Variants in PAK5 observed in about 807,000 individuals in gnomAD.
PAK5 encodes the protein p21 (RAC1) activated kinase 5, also known as serine/threonine-protein kinase PAK 5.
PAK5 carries 16 observed loss-of-function variants against 65.9 expected under a neutral mutation model. That is an observed-to-expected ratio of 0.24 (90% confidence interval 0.16 to 0.37). PAK5 has a LOEUF of 0.37. Ranked by LOEUF, PAK5 falls within the 10% of genes least tolerant of loss-of-function variation. The pLI, the probability that PAK5 is intolerant of heterozygous loss-of-function variation, is 1.00. For missense variants in PAK5, 785 were observed against 903.9 expected (o/e 0.87, Z 1.69); for synonymous variants, 371 against 354.9 (o/e 1.05, Z -0.51).
chr20:9,671,080 T>C (rs1027605460), intron 2 of PAK5, among the ~76,000 whole-genome samples: 1 of 152,228 alleles, frequency 6.6e-6, no homozygotes, highest in African/African-American at 2.4e-5. Context: ...GATCAGATAG[T>C]TGTAGATATG....
At chr20:9,789,198 T>C (rs1234892988) in intron 1 of PAK5, among the ~76,000 whole-genome samples, 1 of 152,186 alleles carries the variant, frequency 6.6e-6, no homozygotes, top group Non-Finnish European at 1.5e-5. Flanking sequence ...CTCTAATTGG[T>C]GGGTTTTCTT....
At chr20:9,836,960 C>T (rs1979199136) in intron 1 of PAK5, among the ~76,000 whole-genome samples, 1 of 152,216 alleles carries the variant, frequency 6.6e-6, no homozygotes, top group African/African-American at 2.4e-5. Flanking sequence ...AAACACCTGC[C>T]TCCCATACCT....
At chr20:9,594,082 A>G (rs944929312) in intron 3 of PAK5, among the ~76,000 whole-genome samples, 1 of 152,180 alleles carries the variant, frequency 6.6e-6, no homozygotes, top group Non-Finnish European at 1.5e-5. Flanking sequence ...TACATCTCTG[A>G]TCATCGTTCT....
chr20:9,685,764 GCA>G (rs757005628), intron 2 of PAK5, among the ~76,000 whole-genome samples: 5 of 152,336 alleles, frequency 3.3e-5, no homozygotes, highest in Non-Finnish European at 7.4e-5. Context: ...GGTACTCATA[GCA>G]CAGTGTCTAG....
chr20:9,708,964 G>A (rs193065339), intron 2 of PAK5, among the ~76,000 whole-genome samples: 6 of 151,918 alleles, frequency 3.9e-5, no homozygotes, highest in African/African-American at 7.2e-5. Flanking sequence ...CCCTACAAAC[G>A]TATGCTGGCA....
intron 3 of PAK5, among the ~76,000 whole-genome samples, chr20:9,617,685 A>G (rs1428526213): frequency 2.7e-5 from 4 of 150,264 alleles, no homozygotes; most frequent in Non-Finnish European, 5.9e-5. Flanking sequence ...CCTCCCGAGT[A>G]GCTGGGACTA....
chr20:9,781,175 C>A (rs1329637354), intron 1 of PAK5, among the ~76,000 whole-genome samples: 2 of 152,070 alleles, frequency 1.3e-5, no homozygotes, highest in African/African-American at 4.8e-5. Flanking sequence ...CTAATGGGTT[C>A]CATCACTGCC....
chr20:9,783,631 G>A (rs1018785697), intron 1 of PAK5, among the ~76,000 whole-genome samples: 3 of 152,098 alleles, frequency 2.0e-5, no homozygotes, highest in Non-Finnish European at 2.9e-5. Context: ...GATATGTTAC[G>A]GAACATTGTG....
chr20:9,789,873 A>G (rs1186521628), intron 1 of PAK5, among the ~76,000 whole-genome samples: 1 of 152,186 alleles, frequency 6.6e-6, no homozygotes, highest in Non-Finnish European at 1.5e-5. Flanking sequence ...AATGATACCA[A>G]CAAAATGAAG....
At chr20:9,592,870 G>A (rs1312246166) in intron 3 of PAK5, among the ~76,000 whole-genome samples, 2 of 152,196 alleles carry the variant, frequency 1.3e-5, no homozygotes, top group Admixed American at 6.5e-5. Flanking sequence ...GTTGTGGGAT[G>A]TGGCTGTGGG....
At chr20:9,692,001 C>T (rs1300464369) in intron 2 of PAK5, among the ~76,000 whole-genome samples, 1 of 152,122 alleles carries the variant, frequency 6.6e-6, no homozygotes, top group Non-Finnish European at 1.5e-5. Context: ...ATGCAGCATC[C>T]TGTTTAAGTC....
At chr20:9,820,596 T>A (rs1272396629) in intron 1 of PAK5, among the ~76,000 whole-genome samples, 1 of 152,232 alleles carries the variant, frequency 6.6e-6, no homozygotes, top group African/African-American at 2.4e-5. Flanking sequence ...CTATGCCAGA[T>A]GCTCTAACTT....
Position 9,539,598 on chromosome 20 carries a change from C to T in PAK5, c.2024G>A (p.Gly675Glu). ...CCTCACCAACATCAAGTCTAGGAAT[C>T]CCCGGAGCACTGAAGAAACCTGTGA... is the stretch of plus-strand genomic sequence containing the variant. ...DLHKVSSVLRGFLDLMLVREP... is the reference protein window; with the variant it reads ...DLHKVSSVLREFLDLMLVREP... The change falls in exon 10 of 10, where the codon GGA becomes GAA. Residue 675 changes from glycine (G) to glutamate (E), a missense_variant. This residue lies in a region of PAK5 where 110 missense variants were observed against 107.4 expected (regional missense o/e 1.02). Coordinates refer to ENST00000353224, the MANE Select transcript of PAK5 (RefSeq NM_177990.4). The T allele has an allele frequency of 1.2e-6, 2 of 1,613,424 alleles. No homozygotes were observed. The highest frequency in any genetic ancestry group is 1.7e-6 in the Non-Finnish European group (2 of 1,179,924).
At chr20:9,748,356 C>T (rs182092844) in intron 1 of PAK5, among the ~76,000 whole-genome samples, 52 of 152,200 alleles carry the variant, frequency 3.4e-4, no homozygotes, top group African/African-American at 1.2e-3. Flanking sequence ...TCATATGGAA[C>T]CAAAAAAGAG....
chr20:9,799,903 T>A (rs1457120214), intron 1 of PAK5, among the ~76,000 whole-genome samples: 1 of 119,242 alleles, frequency 8.4e-6, no homozygotes, highest in Non-Finnish European at 1.6e-5. Context: ...ACCACACCAC[T>A]GCACTCCAGC....
intron 1 of PAK5, among the ~76,000 whole-genome samples, chr20:9,830,033 A>G (rs1255204028): frequency 6.6e-6 from 1 of 152,108 alleles, no homozygotes; most frequent in East Asian, 1.9e-4. Context: ...TGAGCAGTGA[A>G]TTCCAAGGTC....
chr20:9,830,635 C>T (rs527730698), intron 1 of PAK5, among the ~76,000 whole-genome samples: 32 of 152,242 alleles, frequency 2.1e-4, no homozygotes, highest in South Asian at 4.1e-4. Flanking sequence ...TTTCTCTTAC[C>T]TGAGAAAATG....
chr20:9,743,244 C>A (rs1481107806), intron 1 of PAK5, among the ~76,000 whole-genome samples: 1 of 152,020 alleles, frequency 6.6e-6, no homozygotes, highest in Non-Finnish European at 1.5e-5. Flanking sequence ...GTCTTGAACA[C>A]CTGTAGCCCA....
chr20:9,717,593 T>C (rs2048163964), intron 1 of PAK5, among the ~76,000 whole-genome samples: 1 of 152,206 alleles, frequency 6.6e-6, no homozygotes, highest in Non-Finnish European at 1.5e-5. Context: ...CATAAGTTTA[T>C]GCCATTTCGT....
Sources: gnomAD v4.1 joint callset for allele counts (sites outside exome capture counted in the v4.1 genomes callset) on GRCh38, gnomAD v4.1.1 for gene constraint, gnomAD v4.1.1 regional missense constraint, MANE v1.5 for transcripts, NCBI Gene and HGNC (gene_info 2026-07-23, HGNC 2026-07-21) for gene names.